HBS1L: variants seen among roughly 807,000 people sequenced by gnomAD.
The protein encoded by HBS1L is HBS1 like translational GTPase, also known as HBS1-like protein.
HBS1L carries 55 observed loss-of-function variants against 88.9 expected under a neutral mutation model. That is an observed-to-expected ratio of 0.62 (90% confidence interval 0.50 to 0.77). The LOEUF is 0.77. HBS1L is among the 30% of genes least tolerant of loss of function. HBS1L has a pLI of 0.00. For missense variants in HBS1L, 741 were observed against 829.3 expected (o/e 0.89, Z 1.31); for synonymous variants, 267 against 288.5 (o/e 0.93, Z 0.76).
chr6:135,036,397 T>A, intron 4 of HBS1L: 8 of 1,220,644 alleles, frequency 6.6e-6, no homozygotes, highest in Non-Finnish European at 8.3e-6. Flanking sequence ...AAGACATAGT[T>A]AAAAAAAAAA....
chr6:134,977,632 T>C (rs971086439), intron 15 of HBS1L, among the ~76,000 whole-genome samples: 4 of 151,928 alleles, frequency 2.6e-5, no homozygotes, highest in African/African-American at 9.7e-5. Context: ...AAGTACAAGG[T>C]TATCTCAAAT....
At chr6:134,978,837 A>G in intron 14 of HBS1L, 50 bp from the exon 15 acceptor site, 1 of 1,095,354 alleles carries the variant, frequency 9.1e-7, no homozygotes, top group Admixed American at 2.2e-5. Flanking sequence ...ACAAATTTAC[A>G]TCAAATAGAA....
chr6:134,979,370 A>C, intron 13 of HBS1L, 102 bp from the exon 14 acceptor site: 1 of 755,674 alleles, frequency 1.3e-6, no homozygotes, highest in Non-Finnish European at 2.3e-6. Flanking sequence ...GTCACTACTC[A>C]TCATTTTCAA....
At chr6:135,041,147 T>A (rs150597225) in intron 3 of HBS1L, among the ~76,000 whole-genome samples, 3 of 149,730 alleles carry the variant, frequency 2.0e-5, no homozygotes, top group South Asian at 2.1e-4. Flanking sequence ...ACCCTTTCTT[T>A]AAAAAAAAAA....
intron 13 of HBS1L, 63 bp from the exon 14 acceptor site, chr6:134,979,331 A>C: frequency 8.2e-7 from 1 of 1,221,498 alleles, no homozygotes; most frequent in Non-Finnish European, 1.2e-6. Context: ...ATAACAACCA[A>C]CAGAGTTTGG....
intron 2 of HBS1L, among the ~76,000 whole-genome samples, chr6:135,047,630 C>T (rs1235426956): frequency 2.6e-5 from 4 of 152,210 alleles, no homozygotes; most frequent in African/African-American, 9.7e-5. Context: ...CTAAAATAGC[C>T]TCATCTCCTC....
intron 4 of HBS1L, among the ~76,000 whole-genome samples, chr6:135,030,282 A>G (rs904657965): frequency 2.0e-5 from 3 of 152,228 alleles, no homozygotes; most frequent in African/African-American, 4.8e-5. Flanking sequence ...ATGACTTCAC[A>G]TGGGGTGGTA....
At chr6:135,033,735 T>C (rs528845627) in intron 4 of HBS1L, among the ~76,000 whole-genome samples, 2 of 152,338 alleles carry the variant, frequency 1.3e-5, no homozygotes, top group South Asian at 4.1e-4. Context: ...GAAAATTACT[T>C]TGTTATAAAA....
At chr6:134,972,804 CA>C (rs1442100699) in intron 15 of HBS1L, among the ~76,000 whole-genome samples, 1 of 152,116 alleles carries the variant, frequency 6.6e-6, no homozygotes, top group East Asian at 1.9e-4. Flanking sequence ...GGCCAATAAG[CA>C]CATGAAAAGA....
At position 135,000,613 on chromosome 6, in the gene HBS1L, T is replaced by G. The variant is rs544264303; in HGVS notation, c.539+2121A>C. Among the ~76,000 whole-genome samples the G allele has an allele frequency of 3.6e-4, 55 of 152,208 alleles. No homozygotes were observed. In the South Asian group the frequency reaches 0.011, roughly 30 times the overall value. ...GAAAAAGAAAGTTTGCTGTTTCATT[T>G]CCTTCCAAGCAATGCATTATGCACT... On this transcript the variant is annotated intron_variant, in intron 5 of 17. Coordinates refer to ENST00000367837, the MANE Select transcript of HBS1L (RefSeq NM_006620.4).
intron 5 of HBS1L, among the ~76,000 whole-genome samples, chr6:134,999,233 A>T (rs1442745906): frequency 1.3e-5 from 2 of 152,092 alleles, no homozygotes; most frequent in Non-Finnish European, 2.9e-5. Context: ...TGGAAAACAG[A>T]TCAAAGCAGA....
At chr6:134,994,351 AAGATATC>A (rs1312006104) in intron 7 of HBS1L, among the ~76,000 whole-genome samples, 12 of 152,182 alleles carry the variant, frequency 7.9e-5, no homozygotes, top group Non-Finnish European at 1.8e-4. Flanking sequence ...TAGAAAACAT[AAGATATC>A]AAAGCAGATG....
At chr6:135,036,654 T>C in intron 4 of HBS1L, 1 of 1,550,972 alleles carries the variant, frequency 6.4e-7, no homozygotes. Flanking sequence ...CAAGTGGACT[T>C]ATTTCTTTGT....
Position 135,039,660 on chromosome 6 carries a change from C to G in HBS1L, c.343G>C (p.Ala115Pro), listed in dbSNP as rs954653037. 6.2e-7 allele frequency: 1 copy of G among 1,614,068 alleles called. No individual in the cohort carries two copies. The highest frequency in any genetic ancestry group is 1.3e-5 in the African/African-American group (1 of 75,052). Residue 115 changes from alanine to proline, a missense_variant, in exon 4 of 18, where the codon GCT becomes CCT. Coordinates refer to ENST00000367837, the MANE Select transcript of HBS1L (RefSeq NM_006620.4). ...VLKNKFDVQK[A>P]LSGVLEQDRV... ...TCTTGTTCCAGAACCCCTGACAAAG[C>G]CTTCTGCACATCAAACTTGTTCTTC...
intron 14 of HBS1L, 50 bp from the exon 15 acceptor site, chr6:134,978,837 AT>A: frequency 9.1e-7 from 1 of 1,095,354 alleles, no homozygotes; most frequent in East Asian, 2.4e-5. Context: ...ACAAATTTAC[AT>A]CAAATAGAAA....
Position 134,985,355 on chromosome 6 carries a change from G to A in HBS1L, c.1478C>T (p.Ser493Phe). The change falls in exon 12 of 18, where the codon TCC (serine) becomes TTC (phenylalanine). Residue 493 changes from serine to phenylalanine, a missense_variant. By Grantham distance (155) the Ser-to-Phe change is radical. Transcript: ENST00000367837. Reference protein sequence around the residue: ...SIDKPFRLCVSDVFKDQGSGF... With the variant: ...SIDKPFRLCVFDVFKDQGSGF... ...GTAGCACTTACCTTTGAAAACATCGGACACACATAATCTAAAAGGTTTGTC... is the reference window on the plus strand; with the variant it reads ...GTAGCACTTACCTTTGAAAACATCGAACACACATAATCTAAAAGGTTTGTC... The A allele has an allele frequency of 1.2e-6, 2 of 1,605,344 alleles. No individual in the cohort carries two copies. Among genetic ancestry groups the A allele is most frequent in the East Asian group, 2.2e-5 (1 of 44,592 alleles).
At chr6:135,005,566 C>A (rs1056914931) in intron 4 of HBS1L, among the ~76,000 whole-genome samples, 13 of 152,104 alleles carry the variant, frequency 8.5e-5, no homozygotes, top group African/African-American at 3.1e-4. Context: ...GAAAATGATT[C>A]TTTTAAAAAG....
intron 8 of HBS1L, among the ~76,000 whole-genome samples, chr6:134,989,592 A>T (rs1213596831): frequency 6.6e-6 from 1 of 152,220 alleles, no homozygotes; most frequent in Non-Finnish European, 1.5e-5. Context: ...TGGTCATAAA[A>T]TATGTCAAGA....
chr6:135,040,725 CATT>C (rs1294089777), intron 3 of HBS1L, among the ~76,000 whole-genome samples: 2 of 152,022 alleles, frequency 1.3e-5, no homozygotes, highest in African/African-American at 4.8e-5. Flanking sequence ...TTTCTGATGA[CATT>C]AGTATTAAAA....
Sources: allele counts gnomAD v4.1 joint callset (sites outside exome capture counted in the v4.1 genomes callset), GRCh38; gene constraint gnomAD v4.1.1; transcripts MANE v1.5; gene names NCBI Gene and HGNC (gene_info 2026-07-23, HGNC 2026-07-21).